ABAT: variants seen among roughly 807,000 people sequenced by gnomAD.
ABAT encodes 4-aminobutyrate aminotransferase.
ABAT carries 45 observed loss-of-function variants against 64.6 expected under a neutral mutation model. That is an observed-to-expected ratio of 0.70 (90% confidence interval 0.55 to 0.89). The LOEUF is 0.89. Ranked by LOEUF, ABAT falls within the 40% of genes least tolerant of loss-of-function variation. ABAT has a pLI of 0.00. For missense variants in ABAT, 633 were observed against 658.4 expected (o/e 0.96, Z 0.42); for synonymous variants, 297 against 250.5 (o/e 1.19, Z -1.75).
At chr16:8,769,717 G>T (rs2060049135) in intron 11 of ABAT, among the ~76,000 whole-genome samples, 1 of 152,154 alleles carries the variant, frequency 6.6e-6, no homozygotes, top group Non-Finnish European at 1.5e-5. Flanking sequence ...TATGGGAGAG[G>T]CTGAGGACAG....
At chr16:8,750,342 C>G (rs1167343603) in intron 4 of ABAT, 80 bp from the exon 5 acceptor site, 1 of 1,185,678 alleles carries the variant, frequency 8.4e-7, no homozygotes, top group Non-Finnish European at 1.3e-6. Flanking sequence ...TGGTGTACTT[C>G]ACTGATTCAA....
At chr16:8,730,219 G>C (rs1181515587) in intron 1 of ABAT, among the ~76,000 whole-genome samples, 1 of 152,160 alleles carries the variant, frequency 6.6e-6, no homozygotes, top group Non-Finnish European at 1.5e-5. Context: ...GCCTCTAATT[G>C]ATCTTTATGT....
In ABAT at chr16:8,733,504, A is replaced by G. The variant is rs538424005; in HGVS notation, c.-41-2195A>G. Among the ~76,000 whole-genome samples, 150 of 151,930 alleles carry G rather than the reference A, an allele frequency of 9.9e-4. 1 individual carries two copies. Among genetic ancestry groups the G allele is most frequent in the Middle Eastern group, 3.4e-3 (1 of 294 alleles). On this transcript the variant is annotated intron_variant, in intron 1 of 15. Transcript: ENST00000268251. ...GCGGCTGGGAGGTGGAGGTTGTAGCAAGCCGAGATCACGCCGCTGCACTCC... is the reference window on the plus strand; with the variant it reads ...GCGGCTGGGAGGTGGAGGTTGTAGCGAGCCGAGATCACGCCGCTGCACTCC...
intron 1 of ABAT, among the ~76,000 whole-genome samples, chr16:8,698,780 C>CA (rs935251290): frequency 5.9e-5 from 9 of 151,504 alleles, no homozygotes; most frequent in South Asian, 4.2e-4. Context: ...CCCATCTCTA[C>CA]AAAAAAAATA....
At chr16:8,759,737 T>A (rs1054020553) in intron 6 of ABAT, among the ~76,000 whole-genome samples, 1 of 152,126 alleles carries the variant, frequency 6.6e-6, no homozygotes, top group Non-Finnish European at 1.5e-5. Flanking sequence ...AGAGATGGGG[T>A]TTCACCATGT....
chr16:8,740,829 T>G, intron 2 of ABAT, among the ~76,000 whole-genome samples: 1 of 152,260 alleles, frequency 6.6e-6, no homozygotes, highest in East Asian at 1.9e-4. Flanking sequence ...TATTGGTATC[T>G]TCCTCAATAA....
At chr16:8,745,670 C>T (rs1253559979) in intron 2 of ABAT, among the ~76,000 whole-genome samples, 1 of 152,000 alleles carries the variant, frequency 6.6e-6, no homozygotes, top group African/African-American at 2.4e-5. Flanking sequence ...TGCACTCCAG[C>T]CTGGGCAATA....
intron 1 of ABAT, among the ~76,000 whole-genome samples, chr16:8,677,046 G>A (rs1401577911): frequency 6.6e-6 from 1 of 152,168 alleles, no homozygotes; most frequent in Non-Finnish European, 1.5e-5. Context: ...AAAGCATGAG[G>A]AGGACCACGG....
At position 8,776,278 on chromosome 16, in the gene ABAT, G is replaced by A. The variant is rs2060260925; in HGVS notation, c.1123-66G>A. On this transcript the variant is annotated intron_variant, in intron 13 of 15. Transcript: ENST00000268251. This position sits in a 1 kb window ranked among gnomAD's most constrained non-coding sequence, Gnocchi z 4.4. Reference sequence around the variant, plus strand: ...CTTCAAGAGAGGAGGCGGGGCGCCTGGGGTAAGTGACTCCTGCAGGGTGTG... The same window carrying A: ...CTTCAAGAGAGGAGGCGGGGCGCCTAGGGTAAGTGACTCCTGCAGGGTGTG... 5 of 1,611,106 alleles carry A rather than the reference G, an allele frequency of 3.1e-6. No individual in the cohort carries two copies. Among genetic ancestry groups the A allele is most frequent in the African/African-American group, 1.3e-5 (1 of 74,998 alleles).
intron 1 of ABAT, among the ~76,000 whole-genome samples, chr16:8,709,026 G>A (rs776265943): frequency 5.1e-4 from 77 of 152,232 alleles, no homozygotes; most frequent in Non-Finnish European, 8.5e-4. Context: ...GGGGTGTGCC[G>A]TAAGCATAAA....
At chr16:8,708,892 C>G (rs2058009072) in intron 1 of ABAT, among the ~76,000 whole-genome samples, 1 of 152,126 alleles carries the variant, frequency 6.6e-6, no homozygotes, top group African/African-American at 2.4e-5. Context: ...GCTCAATAAA[C>G]GGCGGCCAGT....
intron 1 of ABAT, among the ~76,000 whole-genome samples, chr16:8,710,566 G>A (rs1386397987): frequency 2.0e-5 from 3 of 151,886 alleles, no homozygotes; most frequent in Admixed American, 6.6e-5. Context: ...GCAAGTCCCC[G>A]TCTCTACAAA....
intron 1 of ABAT, among the ~76,000 whole-genome samples, chr16:8,720,475 T>C (rs2058336361): frequency 6.6e-6 from 1 of 152,208 alleles, no homozygotes; most frequent in African/African-American, 2.4e-5. Flanking sequence ...AGGCAGGTGA[T>C]AGGAAGTCAT....
At chr16:8,743,980 C>T (rs2059257687) in intron 2 of ABAT, among the ~76,000 whole-genome samples, 1 of 152,088 alleles carries the variant, frequency 6.6e-6, no homozygotes, top group Non-Finnish European at 1.5e-5. Context: ...CAGGGATCAG[C>T]AAGGCTTGGG....
At chr16:8,681,483 G>A (rs1040186642) in intron 1 of ABAT, among the ~76,000 whole-genome samples, 3 of 145,510 alleles carry the variant, frequency 2.1e-5, no homozygotes, top group African/African-American at 7.7e-5. Flanking sequence ...TTGAGAGGGA[G>A]TCTTGCTCTG....
At chr16:8,728,424 G>C (rs925507599) in intron 1 of ABAT, among the ~76,000 whole-genome samples, 1 of 152,160 alleles carries the variant, frequency 6.6e-6, no homozygotes, top group East Asian at 1.9e-4. Flanking sequence ...AATGGAAATT[G>C]AATTGTGTGA....
intron 9 of ABAT, 57 bp from the exon 10 acceptor site, chr16:8,768,136 A>C (rs1171759985): frequency 6.5e-7 from 1 of 1,535,130 alleles, no homozygotes; most frequent in Non-Finnish European, 9.0e-7. Flanking sequence ...CAGGGGCAAC[A>C]ATACAGTTCC....
rs534893269 is a variant in ABAT, at chr16:8,675,868, C to G, written c.-42+1157C>G. Among the ~76,000 whole-genome samples the G allele has an allele frequency of 4.1e-4, 62 of 152,274 alleles. 1 individual carries two copies. The East Asian group carries it at 0.012, about 29-fold the overall frequency. ...CTCTTCCAAGAGGGCCCGCATTTCC[C>G]CCCTAAAGTGTGCACCCCCGCAAGC... On this transcript the variant is annotated intron_variant, in intron 1 of 15. Transcript: ENST00000268251.
At chr16:8,674,898 C>T (rs1395307428) in intron 1 of ABAT, among the ~76,000 whole-genome samples, 187 bp downstream of exon 1, 1 of 152,140 alleles carries the variant, frequency 6.6e-6, no homozygotes, top group Admixed American at 6.5e-5. Flanking sequence ...AGCAAAATAC[C>T]TTCCTTTCTC....
Sources: allele counts gnomAD v4.1 joint callset (sites outside exome capture counted in the v4.1 genomes callset), GRCh38; gene constraint gnomAD v4.1.1; non-coding constraint Gnocchi (gnomAD v3.1); transcripts MANE v1.5; gene names NCBI Gene and HGNC (gene_info 2026-07-23, HGNC 2026-07-21).